Variants in CIBAR1 observed in about 807,000 individuals in gnomAD.
CIBAR1 encodes CBY1-interacting BAR domain-containing protein 1.
A neutral mutation model predicts 44.0 loss-of-function variants in CIBAR1; 25 were observed. The ratio of observed to expected loss-of-function variants is 0.57; its 90% CI spans 0.41 to 0.79. The LOEUF is 0.79. Ranked by LOEUF, CIBAR1 falls within the 30% of genes least tolerant of loss-of-function variation. The pLI, the probability that CIBAR1 is intolerant of heterozygous loss-of-function variation, is 0.00. For synonymous variants in CIBAR1, 115 were observed against 119.0 expected, an observed-to-expected ratio of 0.97 and a Z score of 0.22; for missense variants, 278 against 344.8, an observed-to-expected ratio of 0.81 and a Z score of 1.53.
intron 6 of CIBAR1, among the ~76,000 whole-genome samples, chr8:93,711,695 G>A (rs1375915222): frequency 6.6e-6 from 1 of 152,166 alleles, no homozygotes; most frequent in Non-Finnish European, 1.5e-5. Context: ...TCCACTGTTG[G>A]ATAAAGGCTT....
chr8:93,701,714 G>T, intron 2 of CIBAR1: 1 of 477,110 alleles, frequency 2.1e-6, no homozygotes, highest in Non-Finnish European at 3.7e-6. Flanking sequence ...TTTGGCCAAG[G>T]GGTGGCTGTT....
At chr8:93,701,124 A>G (rs1810333260) in intron 1 of CIBAR1, 100 bp from the exon 2 acceptor site, 2 of 1,513,620 alleles carry the variant, frequency 1.3e-6, no homozygotes, top group Admixed American at 4.1e-5. Context: ...TACGCCTTCA[A>G]AGCTGCAGAA....
intron 6 of CIBAR1, chr8:93,715,353 C>T (rs1000162151): frequency 6.6e-6 from 1 of 152,084 alleles, no homozygotes; most frequent in African/African-American, 2.4e-5. Flanking sequence ...AGTGAAGTAG[C>T]TGACATGAGC....
intron 2 of CIBAR1, among the ~76,000 whole-genome samples, chr8:93,703,153 G>A (rs1226489625): frequency 1.3e-5 from 2 of 152,102 alleles, no homozygotes; most frequent in African/African-American, 2.4e-5. Flanking sequence ...AAAAAAAAAT[G>A]CAGCAAATAC....
In CIBAR1 at chr8:93,718,687, GA is replaced by G. The variant is rs1563647507; in HGVS notation, c.558del (p.Glu186AspfsTer14). On this transcript the variant is annotated frameshift_variant, in exon 7 of 9. Transcript: ENST00000518322. LOFTEE classifies it high-confidence loss of function. ...KMKDIKTIFSEFITIEMLFHG... is the reference protein window; with the variant it reads ...KMKDIKTIFSXFITIEMLFHG... ...TGGTTTTTTTTAGACTATATTTTCT[GA>G]ATTTATCACAATCGAAATGTTATTT... 2.0e-6 allele frequency: 3 copies of G among 1,534,936 alleles called. No individual in the cohort carries two copies. The highest frequency in any genetic ancestry group is 2.6e-6 in the Non-Finnish European group (3 of 1,136,912).
chr8:93,727,313 A>T, intron 8 of CIBAR1: 2 of 682,766 alleles, frequency 2.9e-6, no homozygotes, highest in Non-Finnish European at 4.2e-6. Flanking sequence ...TTTTATATGT[A>T]TGTATCTCTC....
Position 93,730,390 on chromosome 8 carries a change from ACATTTTTTTAGATAATTT to A in CIBAR1, c.*2095_*2112del, listed in dbSNP as rs1009484628. 5.3e-5 allele frequency: 8 copies of A among 152,174 alleles called. No homozygotes were observed. Among genetic ancestry groups the A allele is most frequent in the Non-Finnish European group, 1.2e-4 (8 of 68,044 alleles). The allele number at this position is 152,174 out of a possible 1,614,324, so 9.4% of individuals were successfully genotyped here. ...GGGATTGACTTTCTAGACATGATCT[ACATTTTTTTAGATAATTT>A]CTAGACAAAAATGTTTGGCTTTAAG... On this transcript the variant is annotated 3_prime_UTR_variant, in exon 9 of 9. Coordinates refer to ENST00000518322, the MANE Select transcript of CIBAR1 (RefSeq NM_145269.5).
intron 7 of CIBAR1, 96 bp downstream of exon 7, chr8:93,718,884 G>GA (rs888641497): frequency 1.3e-4 from 90 of 715,722 alleles, no homozygotes; most frequent in Non-Finnish European, 1.8e-4. Flanking sequence ...TTTTTTTTGA[G>GA]ACAGAGTCTC....
chr8:93,721,643 T>C (rs936332335), intron 7 of CIBAR1, among the ~76,000 whole-genome samples: 2 of 152,234 alleles, frequency 1.3e-5, no homozygotes, highest in African/African-American at 4.8e-5. Context: ...TTACCTCATA[T>C]AGTGTTTGTT....
At position 93,701,272 on chromosome 8, in the gene CIBAR1, G is replaced by A. The variant is rs776736530; in HGVS notation, c.75G>A (p.Lys25=). 165 of 1,613,646 alleles carry A rather than the reference G, an allele frequency of 1.0e-4. No homozygotes were observed. The highest frequency in any genetic ancestry group is 1.3e-4 in the Non-Finnish European group (152 of 1,179,798). The change falls in exon 2 of 9, where the codon AAG becomes AAA. Residue 25 remains lysine, a synonymous_variant. Coordinates refer to ENST00000518322, the MANE Select transcript of CIBAR1 (RefSeq NM_145269.5). ...AAACAGCTGTCTCAAATGTGGAGAA[G>A]CATTTTGGAGAACTGTGCCAAATCT... The part of the protein sequence containing the change: ...QLQTAVSNVE[K]HFGELCQIFA...
intron 6 of CIBAR1, among the ~76,000 whole-genome samples, chr8:93,710,107 A>T (rs1178311608): frequency 6.6e-6 from 1 of 151,994 alleles, no homozygotes; most frequent in Non-Finnish European, 1.5e-5. Context: ...CAACATGGAA[A>T]AACCCCATCT....
chr8:93,718,589 A>T, intron 6 of CIBAR1, 86 bp from the exon 7 acceptor site: 1 of 658,500 alleles, frequency 1.5e-6, no homozygotes, highest in Non-Finnish European at 2.4e-6. Flanking sequence ...TTTATAAAAT[A>T]CCAAGACTAT....
At chr8:93,701,047 C>T (rs1442859662) in intron 1 of CIBAR1, 177 bp from the exon 2 acceptor site, 1 of 1,451,464 alleles carries the variant, frequency 6.9e-7, no homozygotes, top group African/African-American at 1.4e-5. Flanking sequence ...CTACACAGTC[C>T]GGATAGTGAG....
chr8:93,727,650 TG>T (rs945610900), intron 8 of CIBAR1, among the ~76,000 whole-genome samples: 1 of 152,184 alleles, frequency 6.6e-6, no homozygotes, highest in Non-Finnish European at 1.5e-5. Context: ...GCCCCAATAC[TG>T]ACAAACAACA....
intron 3 of CIBAR1, 51 bp downstream of exon 3, chr8:93,703,739 A>G (rs1422641273): frequency 1.5e-6 from 2 of 1,378,566 alleles, no homozygotes; most frequent in Non-Finnish European, 9.9e-7. Flanking sequence ...GGCAAAGACT[A>G]TGAGGTTTCC....
chr8:93,725,710 A>G (rs534887847), intron 7 of CIBAR1: 19 of 152,280 alleles, frequency 1.2e-4, no homozygotes, highest in Non-Finnish European at 2.2e-4. Flanking sequence ...TAAAGGAAAA[A>G]TGCACATTGG....
chr8:93,728,211 A>C lies in CIBAR1; in HGVS notation c.784A>C (p.Thr262Pro), dbSNP rs372914896. The change falls in exon 9 of 9, where the codon ACT (threonine) becomes CCT (proline). Residue 262 changes from threonine (T) to proline (P), a missense_variant. Coordinates refer to ENST00000518322, the MANE Select transcript of CIBAR1 (RefSeq NM_145269.5). ...KCVSGTGQVS[T>P]CRLRKDQQAE... ...GTGTGTTAACTTTTAACAGGTATCC[A>C]CTTGTCGACTAAGAAAGGATCAACA... 6.4e-7 allele frequency: 1 copy of C among 1,572,258 alleles called. No individual in the cohort carries two copies. The highest frequency in any genetic ancestry group is 1.4e-5 in the African/African-American group (1 of 72,412).
intron 5 of CIBAR1, among the ~76,000 whole-genome samples, chr8:93,708,829 T>C (rs2976366): frequency 0.66 from 99,815 of 152,020 alleles, 33,032 homozygotes; most frequent in South Asian, 0.72. Flanking sequence ...ACCTGCTAAC[T>C]CAAAATACCT....
rs528145849 is a variant in CIBAR1, at chr8:93,727,145, C to T, written c.777+632C>T. 6.9e-5 allele frequency: 88 copies of T among 1,269,182 alleles called. 1 individual carries two copies. The Admixed American group carries it at 7.1e-4, about 10-fold the overall frequency. 78.6% of individuals were successfully genotyped at this position (1,269,182 alleles called of 1,614,324 possible). A position where few individuals can be genotyped will look rare whatever the true frequency, so the allele number is the denominator to read the frequency against. On this transcript the variant is annotated intron_variant, in intron 8 of 8. Coordinates refer to ENST00000518322, the MANE Select transcript of CIBAR1 (RefSeq NM_145269.5). ...TACAAAAGCAGGAGGCTGGCTGGGC[C>T]GCAACTTGCCAAACCCTGATCTAGA...
Sources: allele counts gnomAD v4.1 joint callset (sites outside exome capture counted in the v4.1 genomes callset), GRCh38; gene constraint gnomAD v4.1.1; transcripts MANE v1.5; gene names NCBI Gene and HGNC (gene_info 2026-07-23, HGNC 2026-07-21).